The following EPHB1 variants were observed in gnomAD, a reference collection of about 807,000 sequenced individuals.
EPHB1 encodes ephrin type-B receptor 1.
A neutral mutation model predicts 94.4 loss-of-function variants in EPHB1; 30 were observed. The observed-to-expected ratio is 0.32, with a 90% CI of 0.24 to 0.43. The LOEUF is 0.43. Ranked by LOEUF, EPHB1 falls within the 20% of genes least tolerant of loss-of-function variation. The pLI, the probability that EPHB1 is intolerant of heterozygous loss-of-function variation, is 1.00. For missense variants in EPHB1, 1,055 were observed against 1,308.3 expected (o/e 0.81, Z 2.99); for synonymous variants, 522 against 489.1 (o/e 1.07, Z -0.89).
At chr3:135,033,426 GCT>G (rs1441047957) in intron 3 of EPHB1, among the ~76,000 whole-genome samples, 1 of 152,168 alleles carries the variant, frequency 6.6e-6, no homozygotes. Flanking sequence ...ATAGGCAGCT[GCT>G]CTCTCTGATA....
intron 10 of EPHB1, among the ~76,000 whole-genome samples, chr3:135,188,505 A>T (rs1219554851): frequency 2.0e-5 from 3 of 152,222 alleles, no homozygotes; most frequent in Non-Finnish European, 4.4e-5. Flanking sequence ...AAAAAAAAAT[A>T]GAATAATAAA....
At chr3:134,959,026 T>G (rs529371851) in intron 3 of EPHB1, among the ~76,000 whole-genome samples, 1 of 152,300 alleles carries the variant, frequency 6.6e-6, no homozygotes, top group Admixed American at 6.5e-5. Context: ...TTTGGCAGCG[T>G]CCCATGCATG....
chr3:135,196,292 G>A (rs1942613869), intron 11 of EPHB1, among the ~76,000 whole-genome samples: 1 of 151,952 alleles, frequency 6.6e-6, no homozygotes, highest in Non-Finnish European at 1.5e-5. Context: ...GGTTGCCTAG[G>A]GCCTGTTTTC....
chr3:135,173,467 G>T (rs1162624508), intron 9 of EPHB1, among the ~76,000 whole-genome samples: 12 of 152,112 alleles, frequency 7.9e-5, no homozygotes, highest in Admixed American at 7.9e-4. Context: ...TGTCAGGAAG[G>T]TCCTCCTCCC....
chr3:135,202,518 C>T (rs1172797685), intron 12 of EPHB1, among the ~76,000 whole-genome samples: 2 of 152,196 alleles, frequency 1.3e-5, no homozygotes, highest in African/African-American at 2.4e-5. Flanking sequence ...ACAGTGGCTT[C>T]CTAACTGGTG....
At chr3:135,019,205 A>T (rs566983565) in intron 3 of EPHB1, among the ~76,000 whole-genome samples, 6 of 152,222 alleles carry the variant, frequency 3.9e-5, no homozygotes, top group Non-Finnish European at 8.8e-5. Context: ...TTGGCTGAGC[A>T]AGATTCTTCC....
At chr3:134,801,193 T>G (rs1421912143) in intron 1 of EPHB1, among the ~76,000 whole-genome samples, 1 of 152,212 alleles carries the variant, frequency 6.6e-6, no homozygotes, top group Non-Finnish European at 1.5e-5. Flanking sequence ...AGTTTCCATG[T>G]AGCTCTCTCT....
At chr3:135,219,499 C>T (rs1396468151) in intron 12 of EPHB1, among the ~76,000 whole-genome samples, 1 of 151,962 alleles carries the variant, frequency 6.6e-6, no homozygotes, top group African/African-American at 2.4e-5. Flanking sequence ...GGTTTGCTGG[C>T]AAACACCAGA....
At chr3:135,147,537 G>A (rs951789) in intron 5 of EPHB1, among the ~76,000 whole-genome samples, 93 of 152,336 alleles carry the variant, frequency 6.1e-4, no homozygotes, top group African/African-American at 2.2e-3. Flanking sequence ...CCAAGCCTTA[G>A]GTTCACACTG....
intron 1 of EPHB1, among the ~76,000 whole-genome samples, chr3:134,905,624 C>T (rs143163248): frequency 4.6e-5 from 7 of 152,300 alleles, no homozygotes; most frequent in Non-Finnish European, 7.4e-5. Context: ...GGTGGTTTTA[C>T]AAGGGCCAGT....
In EPHB1 at chr3:135,080,124, G is replaced by A. The variant is rs201932964; in HGVS notation, c.806-26324G>A. Among the ~76,000 whole-genome samples the A allele has an allele frequency of 3.9e-5, 6 of 152,288 alleles. No individual in the cohort carries two copies. The South Asian group carries it at 8.3e-4, about 21-fold the overall frequency. Reference sequence around the variant, plus strand: ...TAGCAACGCTGCCTCCCTGGCCTGCGCACTTCTCCCTAGCTGTTACTTGTA... The same window carrying A: ...TAGCAACGCTGCCTCCCTGGCCTGCACACTTCTCCCTAGCTGTTACTTGTA... On this transcript the variant is annotated intron_variant, in intron 3 of 15. Coordinates refer to ENST00000398015, the MANE Select transcript of EPHB1 (RefSeq NM_004441.5).
At chr3:135,255,064 C>A (rs890974030) in intron 15 of EPHB1, among the ~76,000 whole-genome samples, 2 of 152,002 alleles carry the variant, frequency 1.3e-5, no homozygotes, top group African/African-American at 4.8e-5. Context: ...GTGGTGATAT[C>A]CCCTTTATCA....
chr3:134,993,659 C>G (rs973004593), intron 3 of EPHB1, among the ~76,000 whole-genome samples: 2 of 152,200 alleles, frequency 1.3e-5, no homozygotes, highest in Non-Finnish European at 2.9e-5. Flanking sequence ...CCCTGAACTT[C>G]CCCAGTTCAT....
intron 10 of EPHB1, among the ~76,000 whole-genome samples, chr3:135,181,765 G>C (rs1341040689): frequency 6.6e-6 from 1 of 151,650 alleles, no homozygotes; most frequent in South Asian, 2.1e-4. Flanking sequence ...GAGTTCACCA[G>C]CTGCTGGATG....
In EPHB1 at chr3:135,248,451, C is replaced by A. The variant is rs764876925; in HGVS notation, c.2632C>A (p.Leu878Ile). The A allele has an allele frequency of 6.2e-7, 1 of 1,613,604 alleles. No individual in the cohort carries two copies. The highest frequency in any genetic ancestry group is 8.5e-7 in the Non-Finnish European group (1 of 1,179,670). The change falls in exon 14 of 16, where the codon CTA becomes ATA. Residue 878 changes from leucine (L) to isoleucine (I), a missense_variant. Leu to Ile is a conservative substitution (Grantham distance 5, BLOSUM62 2). Coordinates refer to ENST00000398015, the MANE Select transcript of EPHB1 (RefSeq NM_004441.5). ...RPRFAEIVNT[L>I]DKMIRNPASL... ...CCGGTTTGCGGAGATTGTCAACACC[C>A]TAGATAAGATGATCCGGAACCCGGC...
chr3:135,108,249 A>C (rs941009905), intron 4 of EPHB1, among the ~76,000 whole-genome samples: 2 of 152,228 alleles, frequency 1.3e-5, no homozygotes, highest in Admixed American at 1.3e-4. Flanking sequence ...AAAGTTTATA[A>C]AGAGTTTTAG....
At chr3:135,032,529 C>T (rs1936512025) in intron 3 of EPHB1, among the ~76,000 whole-genome samples, 1 of 152,086 alleles carries the variant, frequency 6.6e-6, no homozygotes, top group Non-Finnish European at 1.5e-5. Context: ...TTACCTCAGA[C>T]TGAGGGCTTA....
At chr3:134,831,517 T>G (rs921787955) in intron 1 of EPHB1, among the ~76,000 whole-genome samples, 6 of 152,250 alleles carry the variant, frequency 3.9e-5, no homozygotes, top group African/African-American at 1.4e-4. Flanking sequence ...AGAAGTTTGC[T>G]TCTGCCTATC....
At chr3:134,853,724 C>A (rs1057274155) in intron 1 of EPHB1, among the ~76,000 whole-genome samples, 1 of 152,160 alleles carries the variant, frequency 6.6e-6, no homozygotes, top group African/African-American at 2.4e-5. Flanking sequence ...AGCACCGTAG[C>A]ACAGCAATAT....
Sources: allele counts gnomAD v4.1 joint callset (sites outside exome capture counted in the v4.1 genomes callset), GRCh38; gene constraint gnomAD v4.1.1; transcripts MANE v1.5; gene names NCBI Gene and HGNC (gene_info 2026-07-23, HGNC 2026-07-21).